Variants in ITGA8 observed in about 807,000 individuals in gnomAD.
The protein encoded by ITGA8 is integrin alpha-8.
Under a neutral mutation model 142.3 loss-of-function variants are expected in ITGA8, and 91 were observed. That is an observed-to-expected ratio of 0.64 (90% CI 0.54 to 0.76). ITGA8 has a LOEUF of 0.76. Ranked by LOEUF, ITGA8 falls within the 30% of genes least tolerant of loss-of-function variation. ITGA8 has a pLI of 0.00. For missense variants in ITGA8, 1,406 were observed against 1,327.7 expected (o/e 1.06, Z -0.92); for synonymous variants, 505 against 485.2 (o/e 1.04, Z -0.54).
chr10:15,637,504 A>ATTTTTTTTTTTTTTTTTTTTT, intron 13 of ITGA8, among the ~76,000 whole-genome samples: 1 of 131,162 alleles, frequency 7.6e-6, no homozygotes, highest in Admixed American at 8.2e-5. Flanking sequence ...GACTCTTTAA[A>ATTTTTTTTTTTTTTTTTTTTT]TTTTTTTTTT....
intron 13 of ITGA8, among the ~76,000 whole-genome samples, chr10:15,638,505 T>G (rs574839721): frequency 9.1e-4 from 138 of 152,288 alleles, no homozygotes; most frequent in African/African-American, 3.2e-3. Flanking sequence ...CACTGCCCAC[T>G]CTTTTAGACA....
intron 21 of ITGA8, among the ~76,000 whole-genome samples, chr10:15,593,907 T>C (rs1832967038): frequency 6.7e-6 from 1 of 149,734 alleles, no homozygotes; most frequent in Non-Finnish European, 1.5e-5. Flanking sequence ...AGTGGCACAA[T>C]CTCAGCTCAC....
chr10:15,600,531 C>T (rs1233992652), intron 20 of ITGA8, among the ~76,000 whole-genome samples: 1 of 152,140 alleles, frequency 6.6e-6, no homozygotes. Flanking sequence ...CTCAAGCCAG[C>T]TGGAAGCGTC....
intron 6 of ITGA8, among the ~76,000 whole-genome samples, chr10:15,675,412 C>T (rs919581830): frequency 6.6e-6 from 1 of 152,200 alleles, no homozygotes; most frequent in African/African-American, 2.4e-5. Flanking sequence ...CAGCATATAT[C>T]CAACCCATCA....
chr10:15,554,587 C>G (rs995325927), intron 26 of ITGA8, among the ~76,000 whole-genome samples: 1 of 152,118 alleles, frequency 6.6e-6, no homozygotes, highest in Admixed American at 6.5e-5. Context: ...GCACCCAGGT[C>G]CCACAGATGC....
intron 3 of ITGA8, 107 bp from the exon 4 acceptor site, chr10:15,684,234 A>C: frequency 8.3e-7 from 1 of 1,210,536 alleles, no homozygotes. Flanking sequence ...TGGGTGAATT[A>C]ATTGGCCTCT....
chr10:15,592,959 C>G (rs897821170), intron 21 of ITGA8, among the ~76,000 whole-genome samples: 1 of 152,164 alleles, frequency 6.6e-6, no homozygotes, highest in African/African-American at 2.4e-5. Flanking sequence ...GAAATTATAG[C>G]TGTGAAGTCA....
At chr10:15,521,111 C>T (rs542159091) in intron 28 of ITGA8, among the ~76,000 whole-genome samples, 2 of 152,334 alleles carry the variant, frequency 1.3e-5, no homozygotes, top group African/African-American at 4.8e-5. Flanking sequence ...TTCCACCTCC[C>T]AGGTTCAAGC....
rs112372859 is a variant in ITGA8, at chr10:15,675,615, T to C, written c.676+1977A>G. On this transcript the variant is annotated intron_variant, in intron 6 of 29. Coordinates refer to ENST00000378076, the MANE Select transcript of ITGA8 (RefSeq NM_003638.3). Reference sequence around the variant, plus strand: ...TTGCTGATATTTCACCTTGGCCAACTTTCAATCTATTTTCTGTAACGCAGC... The same window carrying C: ...TTGCTGATATTTCACCTTGGCCAACCTTCAATCTATTTTCTGTAACGCAGC... Among the ~76,000 whole-genome samples the C allele has an allele frequency of 6.4e-3, 972 of 152,320 alleles. 8 individuals are homozygous for C. Among genetic ancestry groups the C allele is most frequent in the African/African-American group, 0.022 (935 of 41,564 alleles).
At chr10:15,714,262 CT>C (rs1171653573) in intron 2 of ITGA8, among the ~76,000 whole-genome samples, 2 of 152,156 alleles carry the variant, frequency 1.3e-5, no homozygotes, top group Non-Finnish European at 2.9e-5. Context: ...GCCTAACATT[CT>C]TTAACCCATG....
At chr10:15,526,573 G>C (rs1833179159) in intron 28 of ITGA8, among the ~76,000 whole-genome samples, 1 of 152,176 alleles carries the variant, frequency 6.6e-6, no homozygotes, top group African/African-American at 2.4e-5. Context: ...CTTGTGATGA[G>C]ATAGTTCAGT....
At chr10:15,577,874 G>C (rs1017087616) in intron 23 of ITGA8, among the ~76,000 whole-genome samples, 2 of 152,128 alleles carry the variant, frequency 1.3e-5, no homozygotes, top group African/African-American at 4.8e-5. Context: ...CCTCAGATAA[G>C]AAGAAGACTG....
chr10:15,684,664 C>G (rs907721304), intron 3 of ITGA8, among the ~76,000 whole-genome samples: 2 of 145,842 alleles, frequency 1.4e-5, no homozygotes, highest in East Asian at 4.1e-4. Context: ...AGAGCCACAG[C>G]ACCTAGGCCC....
At position 15,558,222 on chromosome 10, in the gene ITGA8, G is replaced by A. The variant is rs534845463; in HGVS notation, c.2638-20C>T. The A allele has an allele frequency of 6.2e-7, 1 of 1,613,528 alleles. No homozygotes were observed. The highest frequency in any genetic ancestry group is 8.5e-7 in the Non-Finnish European group (1 of 1,179,752). On this transcript the variant is annotated intron_variant, in intron 25 of 29. Transcript: ENST00000378076. ...AGCAGGCTGCAAAAAGAAAGTGGGA[G>A]ATACCACATTAAAAACACATGAACA...
chr10:15,660,334 A>G (rs1834260756), intron 9 of ITGA8, among the ~76,000 whole-genome samples: 1 of 152,200 alleles, frequency 6.6e-6, no homozygotes, highest in Non-Finnish European at 1.5e-5. Context: ...ATTTTGCACT[A>G]GGTCTCATCA....
chr10:15,599,079 T>G (rs528803728), intron 20 of ITGA8, among the ~76,000 whole-genome samples: 1 of 26,472 alleles, frequency 3.8e-5, no homozygotes, highest in South Asian at 2.5e-3. Flanking sequence ...TTAGTTTCTA[T>G]AGTAAATTTT....
chr10:15,677,983 G>T (rs567859395), intron 5 of ITGA8, among the ~76,000 whole-genome samples: 1 of 152,086 alleles, frequency 6.6e-6, no homozygotes, highest in Non-Finnish European at 1.5e-5. Flanking sequence ...TTGAGCCTTC[G>T]TGATAGAAAT....
intron 13 of ITGA8, among the ~76,000 whole-genome samples, chr10:15,621,831 C>A (rs1833496282): frequency 6.6e-6 from 1 of 152,056 alleles, no homozygotes; most frequent in Non-Finnish European, 1.5e-5. Flanking sequence ...GGTGCCACTG[C>A]ACTCCAGCCT....
rs1267851041 is a variant in ITGA8 at position 15,684,143 on chromosome 10, G to A, written c.445-16C>T. On this transcript the variant is annotated splice_polypyrimidine_tract_variant and intron_variant, in intron 3 of 29. Coordinates refer to ENST00000378076, the MANE Select transcript of ITGA8 (RefSeq NM_003638.3). ...GAGCACAGGCCTAGGAAACATCAAA[G>A]ACAAAAAAATACATTTTTGATGTAG... 1.9e-6 allele frequency: 3 copies of A among 1,595,368 alleles called. No homozygotes were observed. The highest frequency in any genetic ancestry group is 1.8e-5 in the Admixed American group (1 of 54,316).
Sources: gnomAD v4.1 joint callset for allele counts (sites outside exome capture counted in the v4.1 genomes callset) on GRCh38, gnomAD v4.1.1 for gene constraint, MANE v1.5 for transcripts, NCBI Gene and HGNC (gene_info 2026-07-23, HGNC 2026-07-21) for gene names.